Variants in CNTNAP2 observed in about 807,000 individuals in gnomAD.
The protein encoded by CNTNAP2 is contactin-associated protein-like 2.
A neutral mutation model predicts 155.2 loss-of-function variants in CNTNAP2; 98 were observed. That is an observed-to-expected ratio of 0.63 (90% CI 0.54 to 0.75). The LOEUF is 0.75. CNTNAP2 is among the 30% of genes least tolerant of loss of function. The pLI is 0.00. For synonymous variants in CNTNAP2, 651 were observed against 631.2 expected, an observed-to-expected ratio of 1.03 and a Z score of -0.47; for missense variants, 1,727 against 1,688.1, an observed-to-expected ratio of 1.02 and a Z score of -0.40.
intron 9 of CNTNAP2, among the ~76,000 whole-genome samples, chr7:147,360,015 A>G (rs896241475): frequency 1.3e-5 from 2 of 152,124 alleles, no homozygotes; most frequent in Admixed American, 1.3e-4. Flanking sequence ...ACATCTTTGG[A>G]CACTGAATGA....
chr7:146,747,698 T>C (rs1468748823), intron 1 of CNTNAP2, among the ~76,000 whole-genome samples: 1 of 152,186 alleles, frequency 6.6e-6, no homozygotes, highest in East Asian at 1.9e-4. Flanking sequence ...AAATGTACTA[T>C]GTGTGTTATG....
At chr7:146,922,906 G>C (rs1796533722) in intron 3 of CNTNAP2, among the ~76,000 whole-genome samples, 1 of 152,140 alleles carries the variant, frequency 6.6e-6, no homozygotes, top group Non-Finnish European at 1.5e-5. Context: ...AAAAAGACGA[G>C]TATGTAAAAG....
chr7:148,140,421 CTTTTTTTTT>C (rs750371666), intron 16 of CNTNAP2, among the ~76,000 whole-genome samples: 1 of 135,404 alleles, frequency 7.4e-6, no homozygotes, highest in Admixed American at 7.5e-5. Context: ...TTTTCTTTTT[CTTTTTTTTT>C]TTTTTTTTGA....
intron 1 of CNTNAP2, among the ~76,000 whole-genome samples, chr7:146,143,102 A>G (rs375959358): frequency 6.6e-6 from 1 of 152,164 alleles, no homozygotes; most frequent in African/African-American, 2.4e-5. Context: ...ATCTGTGTCA[A>G]TGGTGGTCTT....
chr7:148,242,686 C>T (rs543115273), intron 20 of CNTNAP2, among the ~76,000 whole-genome samples: 5 of 152,322 alleles, frequency 3.3e-5, no homozygotes, highest in Non-Finnish European at 5.9e-5. Flanking sequence ...TTTTCTTACG[C>T]TTTCACATCT....
intron 1 of CNTNAP2, 61 bp from the exon 2 acceptor site, chr7:146,774,210 C>A: frequency 2.5e-6 from 3 of 1,180,434 alleles, no homozygotes; most frequent in South Asian, 1.3e-5. Context: ...CCAACACATA[C>A]CAATCGTTAT....
At chr7:147,467,096 A>G (rs1019401136) in intron 10 of CNTNAP2, among the ~76,000 whole-genome samples, 1 of 152,250 alleles carries the variant, frequency 6.6e-6, no homozygotes, top group Non-Finnish European at 1.5e-5. Context: ...TGAAAATAAG[A>G]CATTTCAACT....
intron 9 of CNTNAP2, among the ~76,000 whole-genome samples, chr7:147,362,881 GT>G: frequency 6.6e-6 from 1 of 152,158 alleles, no homozygotes; most frequent in African/African-American, 2.4e-5. Context: ...AAATACAGAA[GT>G]TAATAAAAAA....
At position 146,422,129 on chromosome 7, in the gene CNTNAP2, TG is replaced by T. The variant is rs1028688431; in HGVS notation, c.97+305157del. Among the ~76,000 whole-genome samples the T allele has an allele frequency of 1.0e-3, 153 of 151,508 alleles. 1 individual carries two copies. The highest frequency in any genetic ancestry group is 3.1e-3 in the African/African-American group (128 of 41,408). The stretch of plus-strand genomic sequence containing the variant: ...ATCTCAATAGCTTTTGGGATACAAA[TG>T]TTTTTTTTTACATGCATGAATTATA... On this transcript the variant is annotated intron_variant, in intron 1 of 23. Coordinates refer to ENST00000361727, the MANE Select transcript of CNTNAP2 (RefSeq NM_014141.6).
chr7:147,368,178 A>G (rs1796277141), intron 9 of CNTNAP2, among the ~76,000 whole-genome samples: 1 of 150,534 alleles, frequency 6.6e-6, no homozygotes, highest in Admixed American at 6.7e-5. Flanking sequence ...TCCCTAACAG[A>G]TTTTATTTTG....
intron 1 of CNTNAP2, among the ~76,000 whole-genome samples, chr7:146,292,759 A>T (rs1217301879): frequency 6.6e-6 from 1 of 152,188 alleles, no homozygotes; most frequent in African/African-American, 2.4e-5. Context: ...TTTGCTAAGT[A>T]ATATAAATTA....
chr7:146,969,687 A>G (rs1182241091), intron 3 of CNTNAP2, among the ~76,000 whole-genome samples: 1 of 151,374 alleles, frequency 6.6e-6, no homozygotes, highest in Non-Finnish European at 1.5e-5. Flanking sequence ...CCATCCTTTT[A>G]TTTTGAGCCT....
chr7:147,674,502 G>A (rs1391033321), intron 13 of CNTNAP2, among the ~76,000 whole-genome samples: 2 of 152,040 alleles, frequency 1.3e-5, no homozygotes, highest in Non-Finnish European at 2.9e-5. Context: ...TCATTCTATT[G>A]TAAAAAATGA....
chr7:146,907,789 C>A (rs1796171361), intron 3 of CNTNAP2, among the ~76,000 whole-genome samples: 1 of 150,972 alleles, frequency 6.6e-6, no homozygotes, highest in Non-Finnish European at 1.5e-5. Flanking sequence ...GGATCAAATT[C>A]ACACATAACA....
intron 1 of CNTNAP2, among the ~76,000 whole-genome samples, chr7:146,194,923 A>G (rs990966635): frequency 1.3e-5 from 2 of 152,188 alleles, no homozygotes; most frequent in Non-Finnish European, 2.9e-5. Context: ...CACTTCTCCA[A>G]TCTGGGGTTT....
intron 1 of CNTNAP2, among the ~76,000 whole-genome samples, chr7:146,688,442 A>T (rs1800640625): frequency 6.6e-6 from 1 of 151,880 alleles, no homozygotes; most frequent in Non-Finnish European, 1.5e-5. Flanking sequence ...GAGTCAGCAA[A>T]GGGAGATAGG....
At chr7:147,094,922 A>G (rs1231025621) in intron 4 of CNTNAP2, among the ~76,000 whole-genome samples, 2 of 152,156 alleles carry the variant, frequency 1.3e-5, no homozygotes, top group African/African-American at 4.8e-5. Context: ...CTAGGTACCA[A>G]GAGATTTGGT....
At chr7:147,521,106 C>T (rs1452717553) in intron 11 of CNTNAP2, among the ~76,000 whole-genome samples, 1 of 152,192 alleles carries the variant, frequency 6.6e-6, no homozygotes, top group Non-Finnish European at 1.5e-5. Flanking sequence ...ATTCAGGGTC[C>T]ACCCAATCTG....
chr7:146,224,860 A>G (rs1360684734), intron 1 of CNTNAP2, among the ~76,000 whole-genome samples: 3 of 152,224 alleles, frequency 2.0e-5, no homozygotes, highest in African/African-American at 7.2e-5. Flanking sequence ...TCATTAACAG[A>G]TGTGAAATAA....
Sources: allele counts gnomAD v4.1 joint callset (sites outside exome capture counted in the v4.1 genomes callset), GRCh38; gene constraint gnomAD v4.1.1; transcripts MANE v1.5; gene names NCBI Gene and HGNC (gene_info 2026-07-23, HGNC 2026-07-21).